RPS6KC1: variants seen among roughly 807,000 people sequenced by gnomAD.
RPS6KC1 encodes the protein ribosomal protein S6 kinase C1, also known as inactive ribosomal protein S6 kinase delta-1.
A neutral mutation model predicts 103.8 loss-of-function variants in RPS6KC1; 54 were observed. The ratio of observed to expected loss-of-function variants is 0.52; its 90% CI spans 0.42 to 0.65. The LOEUF (loss-of-function observed/expected upper bound fraction) is 0.65, where lower values mean the gene tolerates loss of function less well. Ranked by LOEUF, RPS6KC1 falls within the 30% of genes least tolerant of loss-of-function variation. RPS6KC1 has a pLI of 0.00. For missense variants in RPS6KC1, 1,151 were observed against 1,253.8 expected, an observed-to-expected ratio of 0.92 and a Z score of 1.24; for synonymous variants, 439 against 438.7, an observed-to-expected ratio of 1.00 and a Z score of -0.01.
intron 6 of RPS6KC1, among the ~76,000 whole-genome samples, chr1:213,144,599 C>T (rs367608931): frequency 4.6e-5 from 7 of 152,178 alleles, no homozygotes; most frequent in African/African-American, 1.4e-4. Flanking sequence ...TGTTCTTCCC[C>T]ACTTGATCTT....
chr1:213,225,917 T>A (rs1382319266), intron 8 of RPS6KC1, among the ~76,000 whole-genome samples: 2 of 152,188 alleles, frequency 1.3e-5, no homozygotes, highest in African/African-American at 4.8e-5. Context: ...TTCTGGTAAG[T>A]GACTTAAAAG....
intron 6 of RPS6KC1, among the ~76,000 whole-genome samples, chr1:213,138,883 T>A (rs1053016022): frequency 6.6e-6 from 1 of 152,204 alleles, no homozygotes; most frequent in Non-Finnish European, 1.5e-5. Flanking sequence ...AATGGAGTTG[T>A]TGGATTGAAT....
At chr1:213,742,429 G>A in the RPS6KC1 span, among the ~76,000 whole-genome samples, 5 of 152,234 alleles carry the variant, frequency 3.3e-5, no homozygotes, top group Non-Finnish European at 5.9e-5. Flanking sequence ...TCTTTAGGAA[G>A]TGCACACCCA....
chr1:213,765,286 A>T, the RPS6KC1 span, among the ~76,000 whole-genome samples: 1 of 152,194 alleles, frequency 6.6e-6, no homozygotes, highest in Non-Finnish European at 1.5e-5. Flanking sequence ...GAACAATTCC[A>T]TAGCGCCCCT....
intron 6 of RPS6KC1, among the ~76,000 whole-genome samples, chr1:213,154,531 A>T (rs1292455316): frequency 6.6e-6 from 1 of 152,024 alleles, no homozygotes; most frequent in Non-Finnish European, 1.5e-5. Context: ...CCCCATAGCC[A>T]CTCACCCCAG....
intron 1 of RPS6KC1, among the ~76,000 whole-genome samples, chr1:213,057,933 T>G (rs1284452590): frequency 6.6e-6 from 1 of 151,388 alleles, no homozygotes; most frequent in Admixed American, 6.6e-5. Flanking sequence ...GCCCAGCTAA[T>G]TTTTGTATTT....
chr1:213,706,354 T>C, the RPS6KC1 span, among the ~76,000 whole-genome samples: 1 of 152,188 alleles, frequency 6.6e-6, no homozygotes, highest in African/African-American at 2.4e-5. Flanking sequence ...TGTTTTGTTT[T>C]CTGCTATAAC....
the RPS6KC1 span, among the ~76,000 whole-genome samples, chr1:213,514,158 T>C: frequency 1.3e-5 from 2 of 152,242 alleles, no homozygotes; most frequent in African/African-American, 2.4e-5. Flanking sequence ...CTTCTCAGCA[T>C]TCTTACACCT....
the RPS6KC1 span, among the ~76,000 whole-genome samples, chr1:213,309,011 G>T: frequency 1.3e-4 from 20 of 152,282 alleles, no homozygotes; most frequent in South Asian, 6.2e-4. Context: ...TGAAGAAGAG[G>T]CCGGGCACGG....
At chr1:213,627,713 G>A in the RPS6KC1 span, among the ~76,000 whole-genome samples, 1 of 152,156 alleles carries the variant, frequency 6.6e-6, no homozygotes, top group Non-Finnish European at 1.5e-5. Flanking sequence ...CTGTTTATAT[G>A]CTGGATTATG....
chr1:213,532,930 G>A, the RPS6KC1 span, among the ~76,000 whole-genome samples: 1 of 152,208 alleles, frequency 6.6e-6, no homozygotes, highest in Non-Finnish European at 1.5e-5. Context: ...TGTCCCAGGA[G>A]CAACTAATAG....
At chr1:213,811,408 C>T in the RPS6KC1 span, among the ~76,000 whole-genome samples, 576 of 152,320 alleles carry the variant, frequency 3.8e-3, 4 homozygotes, top group African/African-American at 0.012. Flanking sequence ...ATGCCTACTT[C>T]ACTGCCCAGG....
chr1:213,673,645 CT>C, the RPS6KC1 span, among the ~76,000 whole-genome samples: 32 of 149,474 alleles, frequency 2.1e-4, no homozygotes, highest in African/African-American at 8.2e-4. Flanking sequence ...GAGAGAAGTA[CT>C]TTTTAGTACT....
At chr1:213,674,956 G>T in the RPS6KC1 span, among the ~76,000 whole-genome samples, 12 of 151,990 alleles carry the variant, frequency 7.9e-5, no homozygotes, top group Admixed American at 2.0e-4. Flanking sequence ...GTGTCTGTTC[G>T]TGTCCTTTGC....
At chr1:213,781,348 T>C in the RPS6KC1 span, among the ~76,000 whole-genome samples, 1 of 152,104 alleles carries the variant, frequency 6.6e-6, no homozygotes, top group African/African-American at 2.4e-5. Context: ...GATGAAGCCA[T>C]TGAAGATGGA....
chr1:213,826,970 A>T, the RPS6KC1 span, among the ~76,000 whole-genome samples: 1 of 152,194 alleles, frequency 6.6e-6, no homozygotes, highest in Non-Finnish European at 1.5e-5. Flanking sequence ...CTGAGTCTGG[A>T]AATTATACTA....
chr1:213,257,064 A>G (rs1407040438), intron 12 of RPS6KC1, among the ~76,000 whole-genome samples: 3 of 152,192 alleles, frequency 2.0e-5, no homozygotes, highest in Non-Finnish European at 4.4e-5. Flanking sequence ...ATAGTAAAAC[A>G]ATACTCCATC....
At chr1:213,624,638 C>T in the RPS6KC1 span, among the ~76,000 whole-genome samples, 4 of 152,180 alleles carry the variant, frequency 2.6e-5, 1 homozygote, top group Admixed American at 2.0e-4. Context: ...CTGCCTCAGC[C>T]TACAGCACTG....
At chr1:213,597,563 C>G in the RPS6KC1 span, among the ~76,000 whole-genome samples, 3 of 152,286 alleles carry the variant, frequency 2.0e-5, no homozygotes, top group African/African-American at 7.2e-5. Flanking sequence ...TTAGGTTCAG[C>G]AGGACGATCC....
Sources: allele counts gnomAD v4.1 joint callset (sites outside exome capture counted in the v4.1 genomes callset), GRCh38; gene constraint gnomAD v4.1.1; transcripts MANE v1.5; gene names NCBI Gene and HGNC (gene_info 2026-07-23, HGNC 2026-07-21).